Variants in COMMD2 observed in about 807,000 individuals in gnomAD.
COMMD2 encodes COMM domain containing 2, also known as COMM domain-containing protein 2.
Under a neutral mutation model 22.5 loss-of-function variants are expected in COMMD2, and 25 were observed. The ratio of observed to expected loss-of-function variants is 1.11; its 90% CI spans 0.81 to 1.55. The LOEUF (loss-of-function observed/expected upper bound fraction) is 1.55. COMMD2 is among the 40% of genes most tolerant of loss of function. The pLI, the probability that COMMD2 is intolerant of heterozygous loss-of-function variation, is 0.00. For synonymous variants in COMMD2, 98 were observed against 91.2 expected, an observed-to-expected ratio of 1.07 and a Z score of -0.42; for missense variants, 223 against 232.9, an observed-to-expected ratio of 0.96 and a Z score of 0.28.
intron 4 of COMMD2, among the ~76,000 whole-genome samples, chr3:149,745,904 TTG>T (rs959699096): frequency 3.3e-5 from 5 of 152,340 alleles, no homozygotes; most frequent in Admixed American, 3.3e-4. Context: ...TGACATTGTG[TTG>T]TGTTAGTGGT....
At chr3:149,752,120 A>G in intron 2 of COMMD2, 90 bp downstream of exon 2, 4 of 1,047,632 alleles carry the variant, frequency 3.8e-6, no homozygotes, top group Non-Finnish European at 5.8e-6. Context: ...AGACCCTAGG[A>G]CTCGCAATAA....
chr3:149,751,468 T>C lies in COMMD2; in HGVS notation c.163A>G (p.Ser55Gly), dbSNP rs201378345. The C allele has an allele frequency of 1.2e-4, 185 of 1,602,652 alleles. No homozygotes were observed. The highest frequency in any genetic ancestry group is 1.4e-5 in the Non-Finnish European group (17 of 1,175,102). The change falls in exon 3 of 5, where the codon AGT (serine) becomes GGT (glycine). Residue 55 changes from serine to glycine, a missense_variant. Physicochemically the swap from Ser to Gly is moderately conservative, Grantham distance 56. Coordinates refer to ENST00000473414, the MANE Select transcript of COMMD2 (RefSeq NM_016094.4). ...TCCACACCATGCTGGACAGTGTCAC[T>C]ACTCACATTGAGTTTTCCTGAGAAA... ...EGAARKLNVS[S>G]DTVQHGVEGL... is the part of the protein sequence containing the mutation.
At chr3:149,746,210 G>T (rs1219681870) in intron 4 of COMMD2, among the ~76,000 whole-genome samples, 1 of 152,098 alleles carries the variant, frequency 6.6e-6, no homozygotes, top group Non-Finnish European at 1.5e-5. Flanking sequence ...TATAATTTTG[G>T]TGTGAAATTT....
rs115548172 is a variant in COMMD2, at chr3:149,749,210, G to A, written c.402+1468C>T. Among the ~76,000 whole-genome samples the A allele has an allele frequency of 8.3e-3, 1,269 of 152,158 alleles. 11 individuals carry two copies. The highest frequency in any genetic ancestry group is 0.029 in the African/African-American group (1,216 of 41,500). ...TTGTATTTTTGGTAAAGACAGGTTGGCCAGGCCGGTCTCGAACTCCTGACC... is the reference window on the plus strand; with the variant it reads ...TTGTATTTTTGGTAAAGACAGGTTGACCAGGCCGGTCTCGAACTCCTGACC... On this transcript the variant is annotated intron_variant, in intron 4 of 4. Coordinates refer to ENST00000473414, the MANE Select transcript of COMMD2 (RefSeq NM_016094.4).
Position 149,739,791 on chromosome 3 carries a change from T to C in COMMD2, c.*1730A>G, listed in dbSNP as rs938137886. 6.6e-6 allele frequency: 1 copy of C among 152,224 alleles called. No homozygotes were observed. The highest frequency in any genetic ancestry group is 6.5e-5 in the Admixed American group (1 of 15,276). 9.4% of individuals were successfully genotyped at this position (152,224 alleles called of 1,614,324 possible). A position where few individuals can be genotyped will look rare whatever the true frequency, so the allele number is the denominator to read the frequency against. On this transcript the variant is annotated 3_prime_UTR_variant, in exon 5 of 5. Transcript: ENST00000473414. ...AGAGCTTCATTAATCAAGTTGCCAC[T>C]ATAATTAAAAATTATTTCTGATTAT...
intron 4 of COMMD2, among the ~76,000 whole-genome samples, chr3:149,748,420 C>A (rs945849451): frequency 6.6e-6 from 1 of 152,134 alleles, no homozygotes; most frequent in African/African-American, 2.4e-5. Flanking sequence ...CCTGCTATCC[C>A]AGTGTTTACA....
chr3:149,746,381 G>C (rs1038454375), intron 4 of COMMD2, among the ~76,000 whole-genome samples: 1 of 152,182 alleles, frequency 6.6e-6, no homozygotes, highest in Admixed American at 6.5e-5. Flanking sequence ...CGTACTATCT[G>C]AGATGGGAGA....
chr3:149,751,377 A>C (rs905928994), intron 3 of COMMD2, 26 bp downstream of exon 3: 6 of 1,614,018 alleles, frequency 3.7e-6, no homozygotes, highest in Non-Finnish European at 5.1e-6. Flanking sequence ...TCCAGCCAAC[A>C]CAAAACAGTC....
At chr3:149,747,216 T>C (rs1716398438) in intron 4 of COMMD2, among the ~76,000 whole-genome samples, 2 of 152,226 alleles carry the variant, frequency 1.3e-5, no homozygotes, top group South Asian at 4.1e-4. Context: ...AGAGGACAGT[T>C]CTAGGCTAAA....
intron 4 of COMMD2, among the ~76,000 whole-genome samples, chr3:149,743,716 A>G (rs1372642420): frequency 2.0e-5 from 3 of 152,190 alleles, no homozygotes; most frequent in Non-Finnish European, 4.4e-5. Context: ...TGTAGTACAA[A>G]TAACTATAGA....
chr3:149,745,422 A>G (rs1716342801), intron 4 of COMMD2, among the ~76,000 whole-genome samples: 1 of 152,232 alleles, frequency 6.6e-6, no homozygotes. Flanking sequence ...TGAACAAGAC[A>G]CAATACTTGC....
At chr3:149,745,829 C>A (rs372559479) in intron 4 of COMMD2, among the ~76,000 whole-genome samples, 11 of 152,170 alleles carry the variant, frequency 7.2e-5, no homozygotes, top group African/African-American at 1.9e-4. Flanking sequence ...AAATCCTAAG[C>A]CTTTTGTCTT....
chr3:149,752,409 G>A lies in COMMD2; in HGVS notation c.36C>T (p.His12=), dbSNP rs747797574. ...LLELSEEHKE[H]LAFLPQVDSA... is the part of the protein sequence containing the mutation. Reference sequence around the variant, plus strand: ...TGTCCACTTGAGGCAGGAAGGCCAGGTGTTCCTTATGCTCCTCGGACAATT... The same window carrying A: ...TGTCCACTTGAGGCAGGAAGGCCAGATGTTCCTTATGCTCCTCGGACAATT... The change falls in exon 1 of 5, where the codon CAC becomes CAT. Residue 12 remains histidine, a synonymous_variant. Transcript: ENST00000473414. 1.9e-6 allele frequency: 3 copies of A among 1,614,128 alleles called. No homozygotes were observed. The highest frequency in any genetic ancestry group is 1.1e-5 in the South Asian group (1 of 91,078).
At position 149,750,822 on chromosome 3, in the gene COMMD2, AAC is replaced by A; in HGVS notation, c.256_257del (p.Val86PhefsTer7). ...MISELDFQDS[V>X]FVLGFSEELN... Reference sequence around the variant, plus strand: ...ATTCTTCAGAGAATCCCAGAACAAAAACAGAGTCTTGGAAATCCAGTTCAGAA... The same window carrying A: ...ATTCTTCAGAGAATCCCAGAACAAAAAGAGTCTTGGAAATCCAGTTCAGAA... On this transcript the variant is annotated frameshift_variant, in exon 4 of 5. Coordinates refer to ENST00000473414, the MANE Select transcript of COMMD2 (RefSeq NM_016094.4). LOFTEE classifies it high-confidence loss of function. The A allele has an allele frequency of 6.3e-7, 1 of 1,591,014 alleles. No individual in the cohort carries two copies. The highest frequency in any genetic ancestry group is 8.6e-7 in the Non-Finnish European group (1 of 1,167,748).
At chr3:149,742,083 GA>G (rs1330670128) in intron 4 of COMMD2, among the ~76,000 whole-genome samples, 1 of 151,978 alleles carries the variant, frequency 6.6e-6, no homozygotes, top group African/African-American at 2.4e-5. Context: ...TTAGTATCCA[GA>G]ATGTGTGAAC....
At chr3:149,743,826 A>G (rs1282929055) in intron 4 of COMMD2, among the ~76,000 whole-genome samples, 1 of 152,228 alleles carries the variant, frequency 6.6e-6, no homozygotes, top group African/African-American at 2.4e-5. Context: ...TGACAGAGAG[A>G]GACTGCACCG....
Position 149,750,852 on chromosome 3 carries a change from C to T in COMMD2, c.229-1G>A. On this transcript the variant is annotated splice_acceptor_variant, in intron 3 of 4. Transcript: ENST00000473414. LOFTEE classifies it high-confidence loss of function. ...AGTCTTGGAAATCCAGTTCAGAAAT[C>T]TAAGTGAATTGAGTTTAAAAGAACA... 5 of 1,550,494 alleles carry T rather than the reference C, an allele frequency of 3.2e-6. No individual in the cohort carries two copies. Among genetic ancestry groups the T allele is most frequent in the Non-Finnish European group, 4.4e-6 (5 of 1,142,894 alleles).
chr3:149,738,829 A>G lies in COMMD2; in HGVS notation c.*2692T>C, dbSNP rs1438371218. ...AACCATGTCAGATTCTCATTTTTCA[A>G]TTCTCAAGATACAGCATCTTCTTAT... is the stretch of plus-strand genomic sequence containing the variant. On this transcript the variant is annotated 3_prime_UTR_variant, in exon 5 of 5. Transcript: ENST00000473414. 1 of 152,094 alleles carries G rather than the reference A, an allele frequency of 6.6e-6. No individual in the cohort carries two copies. Among genetic ancestry groups the G allele is most frequent in the Non-Finnish European group, 1.5e-5 (1 of 67,990 alleles). The allele number at this position is 152,094 out of a possible 1,614,324, so 9.4% of individuals were successfully genotyped here.
chr3:149,743,880 CT>C (rs985072633), intron 4 of COMMD2, among the ~76,000 whole-genome samples: 7 of 152,246 alleles, frequency 4.6e-5, no homozygotes, highest in African/African-American at 1.7e-4. Context: ...TAAGCCATGA[CT>C]TTTTTGTTGA....
Sources: allele counts gnomAD v4.1 joint callset (sites outside exome capture counted in the v4.1 genomes callset), GRCh38; gene constraint gnomAD v4.1.1; transcripts MANE v1.5; gene names NCBI Gene and HGNC (gene_info 2026-07-23, HGNC 2026-07-21).